The following PDS5A variants were observed in gnomAD, a reference collection of about 807,000 sequenced individuals.
PDS5A encodes the protein PDS5 cohesin associated factor A, also known as sister chromatid cohesion protein PDS5 homolog A.
In PDS5A, 42 loss-of-function variants were observed where a neutral mutation model predicts 167.1. That is an observed-to-expected ratio of 0.25 (90% CI 0.20 to 0.33). PDS5A has a LOEUF of 0.33. Ranked by LOEUF, PDS5A falls within the 10% of genes least tolerant of loss-of-function variation. The pLI is 1.00. For missense variants in PDS5A, 1,033 were observed against 1,605.9 expected (o/e 0.64, Z 6.10); for synonymous variants, 553 against 554.6 (o/e 1.00, Z 0.04).
chr4:39,855,938 C>A (rs1196307886), intron 26 of PDS5A, among the ~76,000 whole-genome samples: 2 of 152,052 alleles, frequency 1.3e-5, no homozygotes, highest in African/African-American at 2.4e-5. Context: ...TGGTCAAAAA[C>A]TTGCAAATTT....
intron 2 of PDS5A, among the ~76,000 whole-genome samples, chr4:39,936,600 T>G (rs1726635583): frequency 6.6e-6 from 1 of 151,596 alleles, no homozygotes; most frequent in Admixed American, 6.6e-5. Context: ...GCTAATTTTT[T>G]TTATTTTTAG....
At chr4:39,876,606 A>G (rs1720480637) in intron 19 of PDS5A, among the ~76,000 whole-genome samples, 1 of 152,168 alleles carries the variant, frequency 6.6e-6, no homozygotes, top group Non-Finnish European at 1.5e-5. Flanking sequence ...TATTTGCCCC[A>G]TTTTTTGGTA....
At chr4:39,938,339 G>C (rs979253717) in intron 2 of PDS5A, among the ~76,000 whole-genome samples, 14 of 152,070 alleles carry the variant, frequency 9.2e-5, no homozygotes, top group Admixed American at 7.2e-4. Context: ...TGGATCACCC[G>C]AGGTCAGGAG....
At chr4:39,855,102 G>GA (rs907833323) in intron 26 of PDS5A, among the ~76,000 whole-genome samples, 6 of 152,136 alleles carry the variant, frequency 3.9e-5, no homozygotes, top group South Asian at 2.1e-4. Flanking sequence ...TATTAAGCTG[G>GA]AAAAAAACAA....
At chr4:39,842,913 A>ATATATATATATATATATATATATGTG (rs1717180989) in intron 30 of PDS5A, among the ~76,000 whole-genome samples, 2 of 69,238 alleles carry the variant, frequency 2.9e-5, no homozygotes, top group African/African-American at 8.3e-5. Context: ...CTATTTTTAT[A>ATATATATATATATATATATATATGTG]TATATATATA....
intron 26 of PDS5A, among the ~76,000 whole-genome samples, chr4:39,857,351 CAA>C (rs1188060445): frequency 5.3e-4 from 36 of 67,762 alleles, no homozygotes; most frequent in Admixed American, 7.0e-4. Context: ...GACTCCATCT[CAA>C]AAAAAAAAAA....
chr4:39,844,590 C>T (rs768163605), intron 30 of PDS5A, 66 bp downstream of exon 30: 3 of 1,267,162 alleles, frequency 2.4e-6, no homozygotes, highest in Non-Finnish European at 3.3e-6. Flanking sequence ...TGAGACAGCA[C>T]TTTAGGAATA....
At chr4:39,847,554 A>G (rs903493905) in intron 28 of PDS5A, 6 of 152,142 alleles carry the variant, frequency 3.9e-5, no homozygotes, top group African/African-American at 1.4e-4. Context: ...CAGTGAGCCA[A>G]GATCAAGCCA....
intron 26 of PDS5A, among the ~76,000 whole-genome samples, chr4:39,859,630 G>C (rs998765156): frequency 1.3e-5 from 2 of 152,188 alleles, no homozygotes; most frequent in Non-Finnish European, 2.9e-5. Flanking sequence ...ACTGGTAAGA[G>C]AAACAGTTCA....
At chr4:39,948,468 G>A (rs1373076351) in intron 2 of PDS5A, among the ~76,000 whole-genome samples, 1 of 151,412 alleles carries the variant, frequency 6.6e-6, no homozygotes, top group Non-Finnish European at 1.5e-5. Context: ...GGGTTTATAG[G>A]CGCCTACCAC....
intron 21 of PDS5A, among the ~76,000 whole-genome samples, chr4:39,871,570 A>G: frequency 6.6e-6 from 1 of 152,210 alleles, no homozygotes; most frequent in East Asian, 1.9e-4. Flanking sequence ...AGAGTTAGGA[A>G]CTTTGGATAA....
At chr4:39,855,291 T>TACAG (rs1268909076) in intron 26 of PDS5A, among the ~76,000 whole-genome samples, 2 of 152,156 alleles carry the variant, frequency 1.3e-5, no homozygotes, top group Non-Finnish European at 2.9e-5. Context: ...AAACAAGGAA[T>TACAG]ACAGACTTTG....
At chr4:39,908,248 G>A in intron 11 of PDS5A, 147 bp downstream of exon 11, 1 of 719,070 alleles carries the variant, frequency 1.4e-6, no homozygotes, top group South Asian at 1.6e-5. Flanking sequence ...AAGATATGCA[G>A]GAAACATACA....
intron 13 of PDS5A, 46 bp from the exon 14 acceptor site, chr4:39,900,553 G>C (rs1282749688): frequency 8.2e-7 from 1 of 1,218,104 alleles, no homozygotes; most frequent in Non-Finnish European, 1.2e-6. Context: ...AACAATACTG[G>C]AAATTATTCA....
intron 26 of PDS5A, among the ~76,000 whole-genome samples, chr4:39,851,727 C>G (rs1481974088): frequency 6.6e-6 from 1 of 152,088 alleles, no homozygotes; most frequent in Admixed American, 6.5e-5. Context: ...ATTATCTGAG[C>G]AACTATATAC....
At chr4:39,861,217 T>TGGGGAG (rs1718964494) in intron 26 of PDS5A, among the ~76,000 whole-genome samples, 1 of 151,774 alleles carries the variant, frequency 6.6e-6, no homozygotes. Context: ...TCCCAGCACT[T>TGGGGAG]GGGGAGGCTG....
At chr4:39,832,113 A>G (rs1715954113) in intron 32 of PDS5A, among the ~76,000 whole-genome samples, 1 of 151,882 alleles carries the variant, frequency 6.6e-6, no homozygotes, top group Non-Finnish European at 1.5e-5. Context: ...GCAAGACTCC[A>G]TTTCAAAAAC....
chr4:39,954,973 G>C (rs1394952605), intron 2 of PDS5A, among the ~76,000 whole-genome samples: 1 of 152,046 alleles, frequency 6.6e-6, no homozygotes, highest in Non-Finnish European at 1.5e-5. Context: ...CCAGGAGGTG[G>C]AGGCAGCAGT....
At position 39,823,790 on chromosome 4, in the gene PDS5A, TTC is replaced by T. The variant is rs1715046636; in HGVS notation, c.*1693_*1694del. 1 of 152,660 alleles carries T rather than the reference TTC, an allele frequency of 6.6e-6. No homozygotes were observed. Among genetic ancestry groups the T allele is most frequent in the African/African-American group, 2.4e-5 (1 of 41,460 alleles). 9.5% of individuals were successfully genotyped at this position (152,660 alleles called of 1,614,324 possible). A position where few individuals can be genotyped will look rare whatever the true frequency, so the allele number is the denominator to read the frequency against. On this transcript the variant is annotated 3_prime_UTR_variant, in exon 33 of 33. Transcript: ENST00000303538. ...TGGTATCCATTGTTCCCTAAGCATCTTCTGATACCTAAATGTGTGTAAATGCA... is the reference window on the plus strand; with the variant it reads ...TGGTATCCATTGTTCCCTAAGCATCTTGATACCTAAATGTGTGTAAATGCA...
Sources: allele counts gnomAD v4.1 joint callset (sites outside exome capture counted in the v4.1 genomes callset), GRCh38; gene constraint gnomAD v4.1.1; transcripts MANE v1.5; gene names NCBI Gene and HGNC (gene_info 2026-07-23, HGNC 2026-07-21).